The following SHISA6 variants were observed in gnomAD, a reference collection of about 807,000 sequenced individuals.
The protein encoded by SHISA6 is protein shisa-6.
A neutral mutation model predicts 47.9 loss-of-function variants in SHISA6; 22 were observed. The observed-to-expected ratio is 0.46, with a 90% CI of 0.33 to 0.66. The LOEUF (loss-of-function observed/expected upper bound fraction) is 0.66. Among genes scored for constraint, SHISA6 ranks in the 30% least tolerant of loss-of-function variants. The pLI, the probability that SHISA6 is intolerant of heterozygous loss-of-function variation, is 0.02. For synonymous variants in SHISA6, 388 were observed against 337.8 expected (o/e 1.15, Z -1.63); for missense variants, 680 against 764.6 (o/e 0.89, Z 1.30).
chr17:11,460,816 G>A (rs1204751671), intron 3 of SHISA6, among the ~76,000 whole-genome samples: 4 of 152,196 alleles, frequency 2.6e-5, no homozygotes, highest in African/African-American at 9.7e-5. Flanking sequence ...CCCTCAACAT[G>A]GGTCCTGCCA....
intron 3 of SHISA6, among the ~76,000 whole-genome samples, chr17:11,425,153 C>A (rs935695035): frequency 4.6e-5 from 7 of 151,538 alleles, no homozygotes; most frequent in Non-Finnish European, 7.4e-5. Context: ...AATATATCTA[C>A]ATCAAATAGG....
At chr17:11,501,776 G>A (rs2071455991) in intron 3 of SHISA6, among the ~76,000 whole-genome samples, 1 of 152,066 alleles carries the variant, frequency 6.6e-6, no homozygotes, top group Non-Finnish European at 1.5e-5. Flanking sequence ...AGAGCCTCCG[G>A]TGACACACTC....
intron 2 of SHISA6, among the ~76,000 whole-genome samples, chr17:11,341,658 G>C (rs1198127382): frequency 6.6e-6 from 1 of 152,064 alleles, no homozygotes; most frequent in Admixed American, 6.6e-5. Flanking sequence ...CTAAGTGAGA[G>C]AAGAGAGGCT....
rs1314554344 is a variant in SHISA6 at position 11,515,252 on chromosome 17, AAAAAAAG to A, written c.896-36632_896-36626del. Among the ~76,000 whole-genome samples, 417 of 149,774 alleles carry A rather than the reference AAAAAAAG, an allele frequency of 2.8e-3. 7 individuals are homozygous for A. Among genetic ancestry groups the A allele is most frequent in the African/African-American group, 9.6e-3 (387 of 40,300 alleles). The stretch of plus-strand genomic sequence containing the variant: ...GGCAAGACTCTTTCTCAAAAAAAAA[AAAAAAAG>A]AAAAAAGAAAATAGAGAAAGAAAAG... On this transcript the variant is annotated intron_variant, in intron 3 of 5. Transcript: ENST00000441885.
At chr17:11,469,851 C>T (rs1349984317) in intron 3 of SHISA6, among the ~76,000 whole-genome samples, 1 of 152,158 alleles carries the variant, frequency 6.6e-6, no homozygotes, top group Non-Finnish European at 1.5e-5. Context: ...CTTTGCGTCC[C>T]CAGAAAATTC....
rs1391209666 is a variant in SHISA6, at chr17:11,272,856, CTA to C, written c.799+9332_799+9333del. On this transcript the variant is annotated intron_variant, in intron 2 of 5. Coordinates refer to ENST00000441885, the MANE Select transcript of SHISA6 (RefSeq NM_207386.4). ...AGCAAGTTGAGATGTCTGGAAACAG[CTA>C]TGTCTTTAGACTGCTTTGAAACAAC... Among the ~76,000 whole-genome samples, 4 of 152,282 alleles carry C rather than the reference CTA, an allele frequency of 2.6e-5. No individual in the cohort carries two copies. The East Asian group carries it at 5.8e-4, about 22-fold the overall frequency.
chr17:11,437,854 G>A (rs769243403), intron 3 of SHISA6, among the ~76,000 whole-genome samples: 5 of 152,134 alleles, frequency 3.3e-5, no homozygotes, highest in Non-Finnish European at 5.9e-5. Context: ...GGCATCCCTG[G>A]GGAGATTCAC....
In SHISA6 at chr17:11,395,701, A is replaced by G. The variant is rs1913548332; in HGVS notation, c.895+16192A>G. ...CCCAGCTAATTTTTGTATTTATAGT[A>G]GAGACAGGGTTTCACCATGTTGGCC... On this transcript the variant is annotated intron_variant, in intron 3 of 5. Coordinates refer to ENST00000441885, the MANE Select transcript of SHISA6 (RefSeq NM_207386.4). Among the ~76,000 whole-genome samples the G allele has an allele frequency of 2.0e-5, 3 of 151,882 alleles. No individual in the cohort carries two copies. The South Asian group carries it at 6.2e-4, about 32-fold the overall frequency.
chr17:11,502,706 G>A (rs1338639817), intron 3 of SHISA6, among the ~76,000 whole-genome samples: 1 of 152,232 alleles, frequency 6.6e-6, no homozygotes, highest in Non-Finnish European at 1.5e-5. Flanking sequence ...CAGCCTGGAT[G>A]ACAGAGCGAG....
chr17:11,397,393 C>CTATG (rs1287850804), intron 3 of SHISA6, among the ~76,000 whole-genome samples: 1 of 49,536 alleles, frequency 2.0e-5, no homozygotes. Context: ...TCTTACCTGC[C>CTATG]TCTGTGTGTG....
intron 3 of SHISA6, among the ~76,000 whole-genome samples, chr17:11,506,635 A>C (rs2142351302): frequency 6.6e-6 from 1 of 152,304 alleles, no homozygotes; most frequent in Admixed American, 6.5e-5. Flanking sequence ...TTTTTAGCCC[A>C]GAGGAGTACA....
intron 2 of SHISA6, among the ~76,000 whole-genome samples, chr17:11,280,039 C>A (rs565654405): frequency 6.6e-6 from 1 of 152,260 alleles, no homozygotes; most frequent in East Asian, 1.9e-4. Flanking sequence ...GCGTTCTGAG[C>A]CTTGTCTTTT....
intron 2 of SHISA6, among the ~76,000 whole-genome samples, chr17:11,307,842 T>C (rs750321175): frequency 4.6e-5 from 7 of 150,910 alleles, no homozygotes; most frequent in Non-Finnish European, 7.3e-5. Flanking sequence ...AATTGTTACA[T>C]AGATAGGATT....
chr17:11,389,426 A>G (rs1913313824), intron 3 of SHISA6, among the ~76,000 whole-genome samples: 2 of 152,226 alleles, frequency 1.3e-5, no homozygotes, highest in Admixed American at 1.3e-4. Context: ...TGGATCTCCC[A>G]TGGCCCCCGG....
chr17:11,269,231 G>A (rs1597431456), intron 2 of SHISA6, among the ~76,000 whole-genome samples: 1 of 152,040 alleles, frequency 6.6e-6, no homozygotes, highest in Non-Finnish European at 1.5e-5. Flanking sequence ...TAGTAGAGAC[G>A]AAGTTTCACC....
chr17:11,318,943 AT>A (rs1316920974), intron 2 of SHISA6, among the ~76,000 whole-genome samples: 1 of 151,988 alleles, frequency 6.6e-6, no homozygotes, highest in Non-Finnish European at 1.5e-5. Context: ...TTCTCTCATA[AT>A]TTGGATCTGT....
intron 2 of SHISA6, among the ~76,000 whole-genome samples, chr17:11,285,955 G>T (rs111431099): frequency 6.6e-6 from 1 of 151,668 alleles, no homozygotes; most frequent in African/African-American, 2.4e-5. Flanking sequence ...TCCTGCCTCA[G>T]CCTCCTGAAT....
At chr17:11,341,042 G>T (rs1390502002) in intron 2 of SHISA6, among the ~76,000 whole-genome samples, 1 of 152,178 alleles carries the variant, frequency 6.6e-6, no homozygotes, top group Non-Finnish European at 1.5e-5. Flanking sequence ...GATAATAATT[G>T]ACGAATGTTG....
At chr17:11,247,612 G>T (rs1907640605) in intron 1 of SHISA6, among the ~76,000 whole-genome samples, 1 of 152,090 alleles carries the variant, frequency 6.6e-6, no homozygotes, top group Admixed American at 6.5e-5. Context: ...ATTGGTTGGT[G>T]GTGGTGGGAG....
Sources: gnomAD v4.1 joint callset for allele counts (sites outside exome capture counted in the v4.1 genomes callset) on GRCh38, gnomAD v4.1.1 for gene constraint, MANE v1.5 for transcripts, NCBI Gene and HGNC (gene_info 2026-07-23, HGNC 2026-07-21) for gene names.